Variants in UBE2G1 observed in about 807,000 individuals in gnomAD.
UBE2G1 encodes ubiquitin conjugating enzyme E2 G1, also known as ubiquitin-conjugating enzyme E2 G1.
UBE2G1 carries 5 observed loss-of-function variants against 22.7 expected under a neutral mutation model. The ratio of observed to expected loss-of-function variants is 0.22; its 90% CI spans 0.12 to 0.46. UBE2G1 has a LOEUF of 0.46. UBE2G1 is among the 20% of genes least tolerant of loss of function. The pLI is 0.99. For missense variants in UBE2G1, 88 were observed against 203.9 expected (o/e 0.43, Z 3.46); for synonymous variants, 74 against 67.5 (o/e 1.10, Z -0.47).
At chr17:4,358,403 C>T (rs1411747534) in intron 1 of UBE2G1, among the ~76,000 whole-genome samples, 1 of 152,022 alleles carries the variant, frequency 6.6e-6, no homozygotes, top group Admixed American at 6.6e-5. Context: ...GTAGCTGAAA[C>T]TACAGATGAG....
Position 4,270,832 on chromosome 17 carries a change from A to G in UBE2G1, c.*1722T>C, listed in dbSNP as rs1186891943. The G allele has an allele frequency of 6.6e-6, 1 of 152,206 alleles. No homozygotes were observed. The highest frequency in any genetic ancestry group is 1.5e-5 in the Non-Finnish European group (1 of 68,026). The allele number at this position is 152,206 out of a possible 1,614,324, so 9.4% of individuals were successfully genotyped here. A position where few individuals can be genotyped will look rare whatever the true frequency, so the allele number is the denominator to read the frequency against. On this transcript the variant is annotated 3_prime_UTR_variant, in exon 6 of 6. Coordinates refer to ENST00000396981, the MANE Select transcript of UBE2G1 (RefSeq NM_003342.5). The stretch of plus-strand genomic sequence containing the variant: ...AAAAAAATCACTCTCTACTGTGACT[A>G]CATCCTCAACCATTTTATTTCTGCT...
intron 1 of UBE2G1, among the ~76,000 whole-genome samples, chr17:4,334,745 G>C (rs1207515722): frequency 1.3e-5 from 2 of 151,976 alleles, no homozygotes; most frequent in Non-Finnish European, 2.9e-5. Context: ...CACCATGTTG[G>C]CCAGGCTGGT....
At chr17:4,342,864 C>T (rs1478264962) in intron 1 of UBE2G1, among the ~76,000 whole-genome samples, 1 of 152,108 alleles carries the variant, frequency 6.6e-6, no homozygotes, top group African/African-American at 2.4e-5. Flanking sequence ...ACACAGCCTC[C>T]CCTCCACACC....
At chr17:4,341,160 G>A (rs1367164619) in intron 1 of UBE2G1, among the ~76,000 whole-genome samples, 1 of 151,870 alleles carries the variant, frequency 6.6e-6, no homozygotes, top group Non-Finnish European at 1.5e-5. Flanking sequence ...GAAAGAAGCT[G>A]GTCATGCAAA....
intron 1 of UBE2G1, among the ~76,000 whole-genome samples, chr17:4,317,338 G>A (rs903671016): frequency 6.6e-6 from 1 of 152,068 alleles, no homozygotes; most frequent in South Asian, 2.1e-4. Flanking sequence ...CGACAAGAGC[G>A]AGACTTCGTC....
intron 2 of UBE2G1, among the ~76,000 whole-genome samples, chr17:4,303,374 T>C (rs2325940): frequency 0.99 from 150,096 of 152,326 alleles, 73,986 homozygotes; most frequent in East Asian, 1. Context: ...ATAATAAAAC[T>C]GCAAAAGGGG....
At chr17:4,365,227 C>T (rs1970018383) in intron 1 of UBE2G1, among the ~76,000 whole-genome samples, 1 of 152,192 alleles carries the variant, frequency 6.6e-6, no homozygotes, top group Non-Finnish European at 1.5e-5. Flanking sequence ...TGACACACGC[C>T]GGGTGTTGTA....
At chr17:4,320,091 A>T (rs1014009190) in intron 1 of UBE2G1, among the ~76,000 whole-genome samples, 3 of 152,050 alleles carry the variant, frequency 2.0e-5, no homozygotes, top group Non-Finnish European at 4.4e-5. Flanking sequence ...ATAAATTTAC[A>T]TTGTCAGGAT....
In UBE2G1 at chr17:4,366,578, C is replaced by A. The variant is rs1480557205; in HGVS notation, c.-262G>T. On this transcript the variant is annotated 5_prime_UTR_variant, in exon 1 of 6. Coordinates refer to ENST00000396981, the MANE Select transcript of UBE2G1 (RefSeq NM_003342.5). ...GGCGCGCACTGGGACTTCGCTCGCCCGCTTCCCTCCTTCAACCCGCCCGTC... is the reference window on the plus strand; with the variant it reads ...GGCGCGCACTGGGACTTCGCTCGCCAGCTTCCCTCCTTCAACCCGCCCGTC... 7.9e-6 allele frequency: 3 copies of A among 378,870 alleles called. No individual in the cohort carries two copies. Among genetic ancestry groups the A allele is most frequent in the African/African-American group, 4.2e-5 (2 of 47,166 alleles). The allele number at this position is 378,870 out of a possible 1,614,324, so 23.5% of individuals were successfully genotyped here.
intron 1 of UBE2G1, among the ~76,000 whole-genome samples, chr17:4,311,832 G>C (rs1969313689): frequency 6.6e-6 from 1 of 152,172 alleles, no homozygotes; most frequent in Admixed American, 6.5e-5. Context: ...CTGTGCAAGG[G>C]TAGAAATCTG....
intron 1 of UBE2G1, among the ~76,000 whole-genome samples, chr17:4,347,469 CTTTTTTT>C (rs34014821): frequency 4.8e-4 from 43 of 89,530 alleles, no homozygotes; most frequent in East Asian, 9.4e-4. Context: ...AGTATTTCTT[CTTTTTTT>C]TTTTTTTTTT....
chr17:4,305,988 C>CT (rs1969245225), intron 2 of UBE2G1, among the ~76,000 whole-genome samples: 2 of 152,224 alleles, frequency 1.3e-5, no homozygotes, highest in South Asian at 4.1e-4. Context: ...TTCTACTGCT[C>CT]TTTCACACCA....
chr17:4,340,894 TAAA>T (rs778447316), intron 1 of UBE2G1, among the ~76,000 whole-genome samples: 1 of 111,100 alleles, frequency 9.0e-6, no homozygotes. Context: ...TTCACGTATT[TAAA>T]AAAAAAAAAA....
At chr17:4,301,685 T>C (rs1969181849) in intron 2 of UBE2G1, 1 of 714,250 alleles carries the variant, frequency 1.4e-6, no homozygotes, top group South Asian at 1.4e-5. Flanking sequence ...GGGTGGAATA[T>C]TTAATGTTTT....
At chr17:4,306,163 A>G (rs190857779) in intron 2 of UBE2G1, among the ~76,000 whole-genome samples, 1 of 152,358 alleles carries the variant, frequency 6.6e-6, no homozygotes, top group African/African-American at 2.4e-5. Flanking sequence ...TGGGGACTCA[A>G]GTAGAGAACC....
intron 3 of UBE2G1, among the ~76,000 whole-genome samples, chr17:4,294,930 G>T (rs146555662): frequency 6.6e-6 from 1 of 151,094 alleles, no homozygotes; most frequent in African/African-American, 2.4e-5. Context: ...TGGGAGAAAC[G>T]TACGTGAGGG....
intron 1 of UBE2G1, among the ~76,000 whole-genome samples, chr17:4,363,184 T>G (rs1170220786): frequency 6.6e-6 from 1 of 152,220 alleles, no homozygotes; most frequent in Admixed American, 6.5e-5. Flanking sequence ...TCCAATAAAT[T>G]TGATATGTTT....
At chr17:4,301,331 G>A in intron 2 of UBE2G1, 1 of 449,194 alleles carries the variant, frequency 2.2e-6, no homozygotes, top group Admixed American at 3.3e-5. Context: ...TTGCCTCTCA[G>A]CCTCCCACGG....
chr17:4,280,908 C>T (rs2143680582), intron 5 of UBE2G1, among the ~76,000 whole-genome samples: 1 of 152,278 alleles, frequency 6.6e-6, no homozygotes, highest in Non-Finnish European at 1.5e-5. Flanking sequence ...GCTGGGATTA[C>T]AGGTGTGAGC....
Sources: allele counts gnomAD v4.1 joint callset (sites outside exome capture counted in the v4.1 genomes callset), GRCh38; gene constraint gnomAD v4.1.1; transcripts MANE v1.5; gene names NCBI Gene and HGNC (gene_info 2026-07-23, HGNC 2026-07-21).